Variants in RCC1L observed in about 807,000 individuals in gnomAD.
The protein encoded by RCC1L is RCC1-like G exchanging factor-like protein.
In RCC1L, 46 loss-of-function variants were observed where a neutral mutation model predicts 58.6. The ratio of observed to expected loss-of-function variants is 0.79; its 90% CI spans 0.62 to 1.00. The LOEUF (loss-of-function observed/expected upper bound fraction) is 1.00. RCC1L is among the 50% of genes least tolerant of loss of function. The probability of loss-of-function intolerance (pLI) is 0.00; values close to 1 mark genes in which losing one functional copy is unlikely to be tolerated. For missense variants in RCC1L, 636 were observed against 623.6 expected (o/e 1.02, Z -0.21); for synonymous variants, 281 against 262.9 (o/e 1.07, Z -0.67).
At chr7:75,035,944 G>A (rs988552616) in intron 10 of RCC1L, among the ~76,000 whole-genome samples, 4 of 151,878 alleles carry the variant, frequency 2.6e-5, no homozygotes, top group East Asian at 1.9e-4. Context: ...GTTCAAGGCC[G>A]CAAGGAGCTA....
intron 10 of RCC1L, among the ~76,000 whole-genome samples, chr7:75,046,457 A>C (rs1039613689): frequency 2.6e-5 from 4 of 152,122 alleles, no homozygotes; most frequent in Non-Finnish European, 5.9e-5. Context: ...TGGCCATTCA[A>C]GCCCAAAGCA....
chr7:75,041,694 A>G (rs1805570885), downstream of RCC1L, among the ~76,000 whole-genome samples: 1 of 151,824 alleles, frequency 6.6e-6, no homozygotes. Flanking sequence ...CCCCATCTCT[A>G]CTAAAAATAC....
chr7:75,064,683 A>G, intron 3 of RCC1L, 35 bp from the exon 4 acceptor site: 4 of 1,609,694 alleles, frequency 2.5e-6, no homozygotes, highest in Non-Finnish European at 2.6e-6. Flanking sequence ...TCAGTTCTGC[A>G]GGTTTGTGGG....
chr7:75,028,686 G>A (rs1031308266), intron 10 of RCC1L, among the ~76,000 whole-genome samples: 2 of 152,074 alleles, frequency 1.3e-5, no homozygotes, highest in East Asian at 1.9e-4. Context: ...CCCTCAGCCC[G>A]TCGTCCTAAC....
chr7:75,066,643 C>T, intron 3 of RCC1L, 21 bp downstream of exon 3: 1 of 1,609,204 alleles, frequency 6.2e-7, no homozygotes, highest in Non-Finnish European at 8.5e-7. Flanking sequence ...TCTTCCATCA[C>T]CCTTCAATAG....
intron 10 of RCC1L, among the ~76,000 whole-genome samples, chr7:75,029,257 T>C (rs1353027746): frequency 6.6e-6 from 1 of 152,174 alleles, no homozygotes; most frequent in Non-Finnish European, 1.5e-5. Flanking sequence ...TGGGCCCCTT[T>C]CTGAGCCTAG....
intron 6 of RCC1L, among the ~76,000 whole-genome samples, chr7:75,059,461 C>T (rs892766996): frequency 2.2e-4 from 34 of 151,788 alleles, no homozygotes; most frequent in Non-Finnish European, 2.1e-4. Flanking sequence ...CACAGAGATG[C>T]GGTTTCGTCA....
Position 75,059,187 on chromosome 7 carries a change from CAA to C in RCC1L, c.788-420_788-419del, listed in dbSNP as rs71278503. On this transcript the variant is annotated intron_variant, in intron 6 of 10. Transcript: ENST00000610322. ...CCAGCCTTGGCAAGAATGAGACTCT[CAA>C]AAAAAAAAAAAAAAGAAAAAAAAAG... Among the ~76,000 whole-genome samples the C allele has an allele frequency of 4.8e-3, 376 of 77,960 alleles. 2 individuals carry two copies. Among genetic ancestry groups the C allele is most frequent in the African/African-American group, 0.012 (278 of 24,026 alleles). The allele number at this position is 77,960 out of a possible 152,430, so 51.1% of individuals were successfully genotyped here.
chr7:75,032,265 G>T (rs1289363389), intron 10 of RCC1L, among the ~76,000 whole-genome samples: 5 of 152,276 alleles, frequency 3.3e-5, no homozygotes, highest in South Asian at 2.1e-4. Flanking sequence ...CTTTCTGATG[G>T]CAAGGGAAGG....
At chr7:75,067,892 A>G (rs889106988) in intron 2 of RCC1L, among the ~76,000 whole-genome samples, 4 of 152,122 alleles carry the variant, frequency 2.6e-5, no homozygotes, top group Non-Finnish European at 5.9e-5. Context: ...CTTCAAATTT[A>G]TTGAGGGGGA....
rs113324737 is a variant in RCC1L at position 75,064,920 on chromosome 7, C to T, written c.584-272G>A. The stretch of plus-strand genomic sequence containing the variant: ...GAACCGGACTCCCCACACCTGTCAC[C>T]AGGCTGCCCTTAACACCAATCCCCT... On this transcript the variant is annotated intron_variant, in intron 3 of 10. Coordinates refer to ENST00000610322, the MANE Select transcript of RCC1L (RefSeq NM_030798.5). Among the ~76,000 whole-genome samples, 594 of 152,224 alleles carry T rather than the reference C, an allele frequency of 3.9e-3. 3 individuals are homozygous for T. Among genetic ancestry groups the T allele is most frequent in the African/African-American group, 0.014 (567 of 41,536 alleles).
chr7:75,032,837 G>GACC (rs1805341284), intron 10 of RCC1L, among the ~76,000 whole-genome samples: 4 of 151,948 alleles, frequency 2.6e-5, no homozygotes, highest in Admixed American at 1.3e-4. Context: ...TTTTGGAGGT[G>GACC]GAGGCGGGAG....
At chr7:75,033,316 G>A (rs1332821960) in intron 10 of RCC1L, among the ~76,000 whole-genome samples, 24 of 152,122 alleles carry the variant, frequency 1.6e-4, no homozygotes, top group Non-Finnish European at 2.9e-4. Flanking sequence ...GGAAGACAGA[G>A]AAGCAGGGAG....
intron 4 of RCC1L, among the ~76,000 whole-genome samples, chr7:75,064,332 A>G (rs1325970410): frequency 3.4e-5 from 5 of 149,106 alleles, no homozygotes; most frequent in Non-Finnish European, 6.0e-5. Flanking sequence ...CCATCTCAAA[A>G]AAAAAAAAAA....
At position 75,051,353 on chromosome 7, in the gene RCC1L, C is replaced by T. The variant is rs1037434180; in HGVS notation, c.1317+1358G>A. ...ACACACACACATATATATACACACACACATATATATACACACATATATATA... is the reference window on the plus strand; with the variant it reads ...ACACACACACATATATATACACACATACATATATATACACACATATATATA... On this transcript the variant is annotated intron_variant, in intron 10 of 10. Transcript: ENST00000610322. 4.8e-5 allele frequency among the ~76,000 whole-genome samples: 7 copies of T among 146,980 alleles called. No individual in the cohort carries two copies. The East Asian group carries it at 7.8e-4, about 16-fold the overall frequency.
chr7:75,050,577 C>T (rs1347795913), intron 10 of RCC1L, among the ~76,000 whole-genome samples: 2 of 152,180 alleles, frequency 1.3e-5, no homozygotes, highest in Non-Finnish European at 2.9e-5. Flanking sequence ...CCCAAGTTCC[C>T]CCCTCAGAAG....
chr7:75,073,695 G>T lies in RCC1L; in HGVS notation c.43C>A (p.Arg15=). The part of the protein sequence containing the change: ...ALVAGARLGR[R]LSGPGLGRGH... ...CGCCCCAGCCCCGGCCCGCTCAGCC[G>T]CCGCCCCAGCCGAGCCCCAGCCACC... The change falls in exon 1 of 11, where the codon CGG becomes AGG. Residue 15 remains arginine, a synonymous_variant. Transcript: ENST00000610322. 1 of 1,506,898 alleles carries T rather than the reference G, an allele frequency of 6.6e-7. No individual in the cohort carries two copies. The highest frequency in any genetic ancestry group is 1.2e-5 in the South Asian group (1 of 81,168). The allele number at this position is 1,506,898 out of a possible 1,614,324, so 93.3% of individuals were successfully genotyped here.
chr7:75,030,061 G>A (rs968564264), intron 10 of RCC1L, among the ~76,000 whole-genome samples: 1 of 152,264 alleles, frequency 6.6e-6, no homozygotes, highest in African/African-American at 2.4e-5. Flanking sequence ...AGAGGCAGGA[G>A]CCTGAGGCCT....
intron 2 of RCC1L, 71 bp downstream of exon 2, chr7:75,070,569 C>CA (rs1189194827): frequency 2.9e-4 from 460 of 1,569,238 alleles, no homozygotes; most frequent in Non-Finnish European, 3.0e-4. Context: ...GACTCTGTCT[C>CA]AAAAAAAATA....
Sources: allele counts gnomAD v4.1 joint callset (sites outside exome capture counted in the v4.1 genomes callset), GRCh38; gene constraint gnomAD v4.1.1; transcripts MANE v1.5; gene names NCBI Gene and HGNC (gene_info 2026-07-23, HGNC 2026-07-21).